Variants in MAP3K13 observed in about 807,000 individuals in gnomAD.
MAP3K13 encodes mitogen-activated protein kinase kinase kinase 13.
MAP3K13 carries 52 observed loss-of-function variants against 104.0 expected under a neutral mutation model. The ratio of observed to expected loss-of-function variants is 0.50; its 90% CI spans 0.40 to 0.63. The LOEUF (loss-of-function observed/expected upper bound fraction) is 0.63, where lower values mean the gene tolerates loss of function less well. Among genes scored for constraint, MAP3K13 ranks in the 20% least tolerant of loss-of-function variants. The pLI is 0.00. For missense variants in MAP3K13, 914 were observed against 1,218.5 expected (o/e 0.75, Z 3.72); for synonymous variants, 394 against 442.2 (o/e 0.89, Z 1.37).
intron 2 of MAP3K13, among the ~76,000 whole-genome samples, chr3:185,332,629 G>A (rs1722328135): frequency 6.6e-6 from 1 of 152,142 alleles, no homozygotes; most frequent in Non-Finnish European, 1.5e-5. Flanking sequence ...TCATGTAAGT[G>A]GAATCACACA....
At chr3:185,451,944 G>A (rs1202692980) in intron 7 of MAP3K13, among the ~76,000 whole-genome samples, 1 of 151,290 alleles carries the variant, frequency 6.6e-6, no homozygotes, top group Non-Finnish European at 1.5e-5. Flanking sequence ...AGTGGCTCCT[G>A]GTAAAACTGC....
chr3:185,453,013 G>A (rs953641305), intron 7 of MAP3K13, among the ~76,000 whole-genome samples: 12 of 152,150 alleles, frequency 7.9e-5, no homozygotes, highest in African/African-American at 2.9e-4. Context: ...CTGGAGAGGG[G>A]AAGAATTGGT....
chr3:185,389,757 G>A (rs900301993), intron 1 of MAP3K13, among the ~76,000 whole-genome samples: 11 of 150,100 alleles, frequency 7.3e-5, no homozygotes, highest in East Asian at 2.0e-4. Flanking sequence ...GAGTTATATC[G>A]TCTATATTTA....
intron 2 of MAP3K13, among the ~76,000 whole-genome samples, chr3:185,436,754 A>G (rs7630857): frequency 0.22 from 33,706 of 151,754 alleles, 3,988 homozygotes; most frequent in East Asian, 0.46. Flanking sequence ...TGTAATCCCA[A>G]CACTTTGGGA....
intron 2 of MAP3K13, among the ~76,000 whole-genome samples, chr3:185,298,238 A>C (rs1720985799): frequency 6.6e-6 from 1 of 152,128 alleles, no homozygotes; most frequent in African/African-American, 2.4e-5. Flanking sequence ...TAAATATTAC[A>C]TTTGAAGTCA....
intron 1 of MAP3K13, among the ~76,000 whole-genome samples, chr3:185,400,808 G>GTT (rs35104274): frequency 3.8e-5 from 5 of 132,276 alleles, no homozygotes; most frequent in Admixed American, 7.5e-5. Context: ...GCTGCTAGGT[G>GTT]TTTTTTTTTT....
chr3:185,295,065 C>T (rs1428239642), intron 2 of MAP3K13, among the ~76,000 whole-genome samples: 1 of 152,180 alleles, frequency 6.6e-6, no homozygotes, highest in African/African-American at 2.4e-5. Context: ...AATCTAAACT[C>T]TTATTATCTT....
chr3:185,472,205 CTTTTTTTT>C (rs568380003), intron 10 of MAP3K13, among the ~76,000 whole-genome samples: 1 of 118,630 alleles, frequency 8.4e-6, no homozygotes, highest in Non-Finnish European at 1.8e-5. Context: ...ATCCCTTCTT[CTTTTTTTT>C]TTTTTTTTTT....
intron 10 of MAP3K13, 47 bp downstream of exon 10, chr3:185,467,010 C>A (rs1210694559): frequency 6.2e-7 from 1 of 1,610,012 alleles, no homozygotes; most frequent in East Asian, 2.2e-5. Flanking sequence ...AGGGAAAGAC[C>A]CACCCACAAA....
chr3:185,295,606 T>C (rs1368851003), intron 2 of MAP3K13, among the ~76,000 whole-genome samples: 1 of 152,200 alleles, frequency 6.6e-6, no homozygotes, highest in Non-Finnish European at 1.5e-5. Context: ...CAGTCTCACT[T>C]TAAATATTAT....
At chr3:185,455,028 G>GAT (rs1420814824) in intron 7 of MAP3K13, among the ~76,000 whole-genome samples, 1 of 102,946 alleles carries the variant, frequency 9.7e-6, no homozygotes, top group African/African-American at 3.7e-5. Context: ...ATATATATGA[G>GAT]ATATATATGA....
intron 1 of MAP3K13, among the ~76,000 whole-genome samples, chr3:185,382,761 T>C (rs1290626637): frequency 6.6e-6 from 1 of 152,058 alleles, no homozygotes; most frequent in Admixed American, 6.5e-5. Flanking sequence ...TCCCAGCACT[T>C]TGGGTAGGCC....
chr3:185,444,659 T>C (rs1262584188), intron 4 of MAP3K13, among the ~76,000 whole-genome samples: 1 of 152,202 alleles, frequency 6.6e-6, no homozygotes. Flanking sequence ...CCAAATTGAA[T>C]GAAGAAAGAA....
At position 185,483,921 on chromosome 3, in the gene MAP3K13, A is replaced by C. The variant is rs1488251825; in HGVS notation, c.*1465A>C. On this transcript the variant is annotated 3_prime_UTR_variant, in exon 14 of 14. Transcript: ENST00000265026. ...GACACGGGGTTTCACCATGTTGGCC[A>C]GGCTTGTCTCAAACTCCTGACCTCA... 1.3e-5 allele frequency: 2 copies of C among 152,192 alleles called. No homozygotes were observed. Among genetic ancestry groups the C allele is most frequent in the African/African-American group, 2.4e-5 (1 of 41,390 alleles). The allele number at this position is 152,192 out of a possible 1,614,324, so 9.4% of individuals were successfully genotyped here.
chr3:185,428,911 A>C lies in MAP3K13; in HGVS notation c.330A>C (p.Thr110=), dbSNP rs759284744. ...GCAACACGGTGGACGGAGAGAGCACAAGCGGAACTGAAGACATAAAGATTC... is the reference window on the plus strand; with the variant it reads ...GCAACACGGTGGACGGAGAGAGCACCAGCGGAACTGAAGACATAAAGATTC... The part of the protein sequence containing the change: ...GNSNTVDGES[T]SGTEDIKIQF... Residue 110 remains threonine (T), a synonymous_variant, in exon 2 of 14, where the codon ACA becomes ACC. Coordinates refer to ENST00000265026, the MANE Select transcript of MAP3K13 (RefSeq NM_004721.5). 6.2e-7 allele frequency: 1 copy of C among 1,614,198 alleles called. No individual in the cohort carries two copies. The highest frequency in any genetic ancestry group is 2.2e-5 in the East Asian group (1 of 44,874).
chr3:185,371,512 T>C (rs766089981), intron 1 of MAP3K13, among the ~76,000 whole-genome samples: 1 of 152,210 alleles, frequency 6.6e-6, no homozygotes, highest in Non-Finnish European at 1.5e-5. Context: ...GTGTGCTAAT[T>C]TGCATTGTGA....
chr3:185,425,659 C>T (rs888264382), intron 1 of MAP3K13, among the ~76,000 whole-genome samples: 1 of 152,132 alleles, frequency 6.6e-6, no homozygotes, highest in African/African-American at 2.4e-5. Context: ...GGATAAAACC[C>T]CAAAGATTTA....
intron 1 of MAP3K13, among the ~76,000 whole-genome samples, chr3:185,424,176 G>A (rs1714289361): frequency 6.6e-6 from 1 of 152,152 alleles, no homozygotes; most frequent in South Asian, 2.1e-4. Flanking sequence ...TTTCATCCCG[G>A]CTCTGTGACC....
chr3:185,472,722 C>T (rs901371697), intron 10 of MAP3K13, among the ~76,000 whole-genome samples: 5 of 152,150 alleles, frequency 3.3e-5, no homozygotes, highest in Non-Finnish European at 5.9e-5. Flanking sequence ...CAATCTAGAT[C>T]GTGCTTAGAG....
Sources: allele counts gnomAD v4.1 joint callset (sites outside exome capture counted in the v4.1 genomes callset), GRCh38; gene constraint gnomAD v4.1.1; transcripts MANE v1.5; gene names NCBI Gene and HGNC (gene_info 2026-07-23, HGNC 2026-07-21).